Variants in SHISA9 observed in about 807,000 individuals in gnomAD.
SHISA9 encodes the protein protein shisa-9.
SHISA9 carries 13 observed loss-of-function variants against 38.0 expected under a neutral mutation model. That is an observed-to-expected ratio of 0.34 (90% CI 0.22 to 0.54). The LOEUF (loss-of-function observed/expected upper bound fraction) is 0.54. Among genes scored for constraint, SHISA9 ranks in the 20% least tolerant of loss-of-function variants. The pLI is 0.91. For missense variants in SHISA9, 538 were observed against 575.8 expected, an observed-to-expected ratio of 0.93 and a Z score of 0.67; for synonymous variants, 275 against 242.0, an observed-to-expected ratio of 1.14 and a Z score of -1.27.
chr16:13,019,908 T>C (rs2072820431), intron 2 of SHISA9, among the ~76,000 whole-genome samples: 1 of 65,304 alleles, frequency 1.5e-5, no homozygotes, highest in African/African-American at 4.7e-5. Context: ...TCTTTCTTTC[T>C]TTCTTTCTTT....
chr16:13,505,283 C>G, the SHISA9 span, among the ~76,000 whole-genome samples: 2 of 152,172 alleles, frequency 1.3e-5, no homozygotes, highest in Admixed American at 1.3e-4. Context: ...TGCAAAGAAG[C>G]TTTTTGTGGC....
At chr16:13,316,798 ACCT>A in the SHISA9 span, among the ~76,000 whole-genome samples, 4 of 152,264 alleles carry the variant, frequency 2.6e-5, no homozygotes, top group East Asian at 7.7e-4. Flanking sequence ...ATAAATATAC[ACCT>A]CCTTCAAGAA....
the SHISA9 span, among the ~76,000 whole-genome samples, chr16:13,453,007 C>G: frequency 6.6e-6 from 1 of 151,962 alleles, no homozygotes. Context: ...CTCCTTGTTT[C>G]AAGCGATTCT....
chr16:12,935,865 A>AAT (rs2071525157), intron 2 of SHISA9, among the ~76,000 whole-genome samples: 1 of 151,096 alleles, frequency 6.6e-6, no homozygotes, highest in Admixed American at 6.6e-5. Flanking sequence ...AAAAAAAAAA[A>AAT]AAAGAAGGGA....
chr16:13,088,156 C>G (rs986483586), intron 2 of SHISA9, among the ~76,000 whole-genome samples: 5 of 152,088 alleles, frequency 3.3e-5, no homozygotes, highest in Middle Eastern at 3.2e-3. Flanking sequence ...ATTTCTGAGG[C>G]CTCTGTTCTG....
chr16:12,922,793 T>A (rs970870826), intron 2 of SHISA9, among the ~76,000 whole-genome samples: 3 of 151,358 alleles, frequency 2.0e-5, no homozygotes, highest in African/African-American at 7.3e-5. Flanking sequence ...GTGCTGGGAT[T>A]ACAGGTGTGA....
At chr16:12,984,829 C>G (rs1411682600) in intron 2 of SHISA9, among the ~76,000 whole-genome samples, 1 of 152,154 alleles carries the variant, frequency 6.6e-6, no homozygotes, top group Admixed American at 6.5e-5. Context: ...TGGAGCCACC[C>G]TATATGGGAG....
intron 1 of SHISA9, among the ~76,000 whole-genome samples, chr16:12,903,184 T>A (rs1321268251): frequency 6.6e-6 from 1 of 152,096 alleles, no homozygotes. Context: ...AAGCCTTGCT[T>A]GGAGCGGCCG....
the SHISA9 span, among the ~76,000 whole-genome samples, chr16:13,518,354 G>A: frequency 0.012 from 1,773 of 152,176 alleles, 13 homozygotes; most frequent in Middle Eastern, 0.024. Flanking sequence ...ACAACAGTGT[G>A]CCGCCGACCT....
At chr16:13,246,836 T>G in the SHISA9 span, among the ~76,000 whole-genome samples, 1 of 152,048 alleles carries the variant, frequency 6.6e-6, no homozygotes, top group Admixed American at 6.6e-5. Context: ...CACTTAGAAC[T>G]GTATCTGACT....
chr16:13,019,927 CTTTCTT>C (rs2072822799), intron 2 of SHISA9, among the ~76,000 whole-genome samples: 1 of 93,012 alleles, frequency 1.1e-5, no homozygotes, highest in Non-Finnish European at 2.2e-5. Context: ...TTCTTTCTTT[CTTTCTT>C]TCTTTCTTTC....
chr16:13,472,374 TA>T, the SHISA9 span, among the ~76,000 whole-genome samples: 8 of 137,920 alleles, frequency 5.8e-5, no homozygotes, highest in African/African-American at 1.9e-4. Flanking sequence ...AACGCTCTGC[TA>T]AATTTTTTTT....
chr16:13,299,586 T>A, the SHISA9 span, among the ~76,000 whole-genome samples: 1 of 152,020 alleles, frequency 6.6e-6, no homozygotes, highest in Admixed American at 6.6e-5. Flanking sequence ...TGGTAGTATA[T>A]GCCTGTAATC....
chr16:13,019,961 CTCCTTCTTTCCT>C (rs1418313700), intron 2 of SHISA9, among the ~76,000 whole-genome samples: 8 of 33,002 alleles, frequency 2.4e-4, no homozygotes, highest in Admixed American at 3.6e-4. Context: ...CTTTCTTTCC[CTCCTTCTTTCCT>C]TCCTTCCTTC....
At chr16:12,970,860 A>G (rs2072072169) in intron 2 of SHISA9, among the ~76,000 whole-genome samples, 2 of 152,030 alleles carry the variant, frequency 1.3e-5, no homozygotes, top group Admixed American at 1.3e-4. Context: ...GAAGAATGTA[A>G]GCCCATGAGG....
the SHISA9 span, among the ~76,000 whole-genome samples, chr16:13,562,424 GCTCGAGA>G: frequency 6.6e-6 from 1 of 152,084 alleles, no homozygotes; most frequent in Non-Finnish European, 1.5e-5. Flanking sequence ...GAGGTCAAGA[GCTCGAGA>G]CCAGCCTGGC....
chr16:13,005,572 C>T (rs1596578654), intron 2 of SHISA9, among the ~76,000 whole-genome samples: 1 of 152,186 alleles, frequency 6.6e-6, no homozygotes, highest in South Asian at 2.1e-4. Context: ...GCAAGCTTCT[C>T]TTGCTTACTG....
the SHISA9 span, among the ~76,000 whole-genome samples, chr16:13,294,319 A>G: frequency 1.3e-5 from 2 of 152,178 alleles, no homozygotes; most frequent in African/African-American, 4.8e-5. Context: ...TGGGTTTGTT[A>G]ATACGTCTGC....
At chr16:13,555,098 C>T in the SHISA9 span, among the ~76,000 whole-genome samples, 1 of 152,206 alleles carries the variant, frequency 6.6e-6, no homozygotes, top group South Asian at 2.1e-4. Flanking sequence ...GACCAGGAAC[C>T]TGACTTATCT....
Sources: allele counts gnomAD v4.1 joint callset (sites outside exome capture counted in the v4.1 genomes callset), GRCh38; gene constraint gnomAD v4.1.1; transcripts MANE v1.5; gene names NCBI Gene and HGNC (gene_info 2026-07-23, HGNC 2026-07-21).